The following STON2 variants were observed in gnomAD, a reference collection of about 807,000 sequenced individuals.
STON2 encodes the protein stonin 2.
STON2 carries 29 observed loss-of-function variants against 65.7 expected under a neutral mutation model. The observed-to-expected ratio is 0.44, with a 90% CI of 0.33 to 0.60. STON2 has a LOEUF of 0.60. Ranked by LOEUF, STON2 falls within the 20% of genes least tolerant of loss-of-function variation. STON2 has a pLI of 0.03. For synonymous variants in STON2, 404 were observed against 414.2 expected, an observed-to-expected ratio of 0.98 and a Z score of 0.30; for missense variants, 1,054 against 1,118.1, an observed-to-expected ratio of 0.94 and a Z score of 0.82.
At chr14:81,286,889 G>C (rs1188495634) in intron 5 of STON2, among the ~76,000 whole-genome samples, 1 of 152,154 alleles carries the variant, frequency 6.6e-6, no homozygotes, top group Admixed American at 6.5e-5. Context: ...GTCAAGTCCT[G>C]CTTTTAATTT....
At chr14:81,273,841 C>A (rs1183620430) in intron 6 of STON2, among the ~76,000 whole-genome samples, 1 of 152,146 alleles carries the variant, frequency 6.6e-6, no homozygotes, top group Non-Finnish European at 1.5e-5. Context: ...TAGGCAGGAA[C>A]GTGTGAGGAG....
At chr14:81,338,915 G>C (rs967156813) in intron 4 of STON2, among the ~76,000 whole-genome samples, 3 of 152,182 alleles carry the variant, frequency 2.0e-5, no homozygotes, top group Non-Finnish European at 2.9e-5. Context: ...GCTGGCAATT[G>C]AGCTGAACCT....
At chr14:81,340,540 T>C (rs1897567353) in intron 4 of STON2, among the ~76,000 whole-genome samples, 3 of 152,168 alleles carry the variant, frequency 2.0e-5, no homozygotes, top group Admixed American at 2.0e-4. Flanking sequence ...ACAGATGTCT[T>C]GTGAGTATTT....
intron 3 of STON2, among the ~76,000 whole-genome samples, chr14:81,378,329 C>G (rs1182666358): frequency 6.6e-6 from 1 of 152,222 alleles, no homozygotes; most frequent in Non-Finnish European, 1.5e-5. Flanking sequence ...GATCCACCCA[C>G]CTCAACCTCC....
intron 5 of STON2, among the ~76,000 whole-genome samples, chr14:81,304,243 G>A (rs1259155862): frequency 2.0e-5 from 3 of 152,282 alleles, no homozygotes; most frequent in Non-Finnish European, 4.4e-5. Context: ...ACTGTAAAGT[G>A]TATCTACTTA....
intron 2 of STON2, among the ~76,000 whole-genome samples, chr14:81,397,029 G>T (rs1900358601): frequency 1.3e-5 from 2 of 152,178 alleles, no homozygotes; most frequent in Non-Finnish European, 2.9e-5. Context: ...CTGCACTCCA[G>T]CCTGGGCAAC....
intron 2 of STON2, among the ~76,000 whole-genome samples, chr14:81,423,370 A>G (rs1901809275): frequency 2.6e-5 from 4 of 152,266 alleles, no homozygotes; most frequent in East Asian, 3.9e-4. Context: ...ATTAATTATA[A>G]TTTAAGGCAC....
intron 5 of STON2, among the ~76,000 whole-genome samples, chr14:81,300,332 G>A (rs1212775628): frequency 6.6e-6 from 1 of 151,918 alleles, no homozygotes; most frequent in African/African-American, 2.4e-5. Flanking sequence ...AAACTATAAA[G>A]CTTCTAGAGG....
intron 3 of STON2, 42 bp downstream of exon 3, chr14:81,395,852 T>C: frequency 6.2e-7 from 1 of 1,605,402 alleles, no homozygotes; most frequent in South Asian, 1.1e-5. Context: ...AAAGCATCCC[T>C]GCTGACCACA....
chr14:81,317,763 A>C (rs118098200), intron 5 of STON2, among the ~76,000 whole-genome samples: 79 of 152,296 alleles, frequency 5.2e-4, no homozygotes, highest in Admixed American at 1.4e-3. Flanking sequence ...ATGTGATCTA[A>C]AGTAAAGACA....
At chr14:81,343,245 C>A (rs1897684578) in intron 4 of STON2, among the ~76,000 whole-genome samples, 1 of 152,164 alleles carries the variant, frequency 6.6e-6, no homozygotes, top group Non-Finnish European at 1.5e-5. Flanking sequence ...CCCCCAATCC[C>A]AGCATCCTCT....
intron 1 of STON2, among the ~76,000 whole-genome samples, chr14:81,428,377 C>T (rs1409229479): frequency 2.6e-5 from 4 of 152,206 alleles, no homozygotes; most frequent in African/African-American, 9.6e-5. Context: ...ATATGGATCA[C>T]CCCAGCCTTA....
Position 81,262,378 on chromosome 14 carries a change from T to C in STON2, c.*6036A>G, listed in dbSNP as rs1043629689. 1 of 985,212 alleles carries C rather than the reference T, an allele frequency of 1.0e-6. No individual in the cohort carries two copies. The highest frequency in any genetic ancestry group is 1.1e-4 in the East Asian group (1 of 8,828). 61.0% of individuals were successfully genotyped at this position (985,212 alleles called of 1,614,324 possible). Reference sequence around the variant, plus strand: ...CTGCTAACACAGCACCTGACCAGAGTAGACATTTGATAAATATTTGTTGAG... The same window carrying C: ...CTGCTAACACAGCACCTGACCAGAGCAGACATTTGATAAATATTTGTTGAG... On this transcript the variant is annotated 3_prime_UTR_variant, in exon 8 of 8. Coordinates refer to ENST00000614646, the MANE Select transcript of STON2 (RefSeq NM_001394390.1).
rs150280408 is a variant in STON2 at position 81,328,334 on chromosome 14, A to C, written c.572-4147T>G. On this transcript the variant is annotated intron_variant, in intron 4 of 7. Transcript: ENST00000614646. ...AAGTCCATTCATGGGCTTACATTTA[A>C]TTGGCTGTAGGAATGGAAAAGGGCA... 5.5e-3 allele frequency among the ~76,000 whole-genome samples: 832 copies of C among 152,290 alleles called. 6 individuals are homozygous for C. Among genetic ancestry groups the C allele is most frequent in the Middle Eastern group, 0.017 (5 of 294 alleles).
chr14:81,408,174 CATT>C (rs1034385913), intron 2 of STON2, among the ~76,000 whole-genome samples: 4 of 151,882 alleles, frequency 2.6e-5, no homozygotes, highest in Non-Finnish European at 4.4e-5. Flanking sequence ...CACACACACA[CATT>C]AATTAATAGG....
At position 81,303,062 on chromosome 14, in the gene STON2, GTGT is replaced by G. The variant is rs777881026; in HGVS notation, c.742+20952_742+20954del. Reference sequence around the variant, plus strand: ...GTGAGGGTGTACATGTGTGGGGGGTGTGTGTGTGTGTGTGTGTGTGTGTAAAAG... The same window carrying G: ...GTGAGGGTGTACATGTGTGGGGGGTGGTGTGTGTGTGTGTGTGTGTAAAAG... On this transcript the variant is annotated intron_variant, in intron 5 of 7. Transcript: ENST00000614646. 5.6e-3 allele frequency among the ~76,000 whole-genome samples: 744 copies of G among 134,012 alleles called. 6 individuals carry two copies. The highest frequency in any genetic ancestry group is 0.022 in the Middle Eastern group (6 of 278). The allele number at this position is 134,012 out of a possible 152,430, so 87.9% of individuals were successfully genotyped here. A position where few individuals can be genotyped will look rare whatever the true frequency, so the allele number is the denominator to read the frequency against.
intron 2 of STON2, among the ~76,000 whole-genome samples, chr14:81,417,766 G>T (rs1901508176): frequency 6.6e-6 from 1 of 152,184 alleles, no homozygotes; most frequent in African/African-American, 2.4e-5. Flanking sequence ...TATCAACAGG[G>T]GAAGTAAAAA....
At chr14:81,417,838 G>A (rs1183111013) in intron 2 of STON2, among the ~76,000 whole-genome samples, 1 of 152,126 alleles carries the variant, frequency 6.6e-6, no homozygotes, top group Non-Finnish European at 1.5e-5. Flanking sequence ...CTGGGACGGG[G>A]GAAGTTAGAC....
chr14:81,284,887 C>T (rs112915469), intron 5 of STON2, among the ~76,000 whole-genome samples: 3 of 152,322 alleles, frequency 2.0e-5, no homozygotes, highest in African/African-American at 7.2e-5. Context: ...TGCAAATCTA[C>T]CTTGCCTGTG....
Sources: allele counts gnomAD v4.1 joint callset (sites outside exome capture counted in the v4.1 genomes callset), GRCh38; gene constraint gnomAD v4.1.1; transcripts MANE v1.5; gene names NCBI Gene and HGNC (gene_info 2026-07-23, HGNC 2026-07-21).